Variants in ARAF observed in about 807,000 individuals in gnomAD.
The protein encoded by ARAF is serine/threonine-protein kinase A-Raf.
ARAF carries 18 observed loss-of-function variants against 48.0 expected under a neutral mutation model. The ratio of observed to expected loss-of-function variants is 0.37; its 90% confidence interval spans 0.26 to 0.56. ARAF has a LOEUF of 0.56. Among genes scored for constraint, ARAF ranks in the 20% least tolerant of loss-of-function variants. The pLI is 0.77. For missense variants in ARAF, 389 were observed against 543.1 expected (o/e 0.72, Z 2.82); for synonymous variants, 207 against 220.1 (o/e 0.94, Z 0.53).
rs34644595 is a variant in ARAF at position 47,571,110 on chromosome X, A to AGTGTGT, written c.1686+125_1686+130dup. The AGTGTGT allele has an allele frequency of 4.0e-3, 3,290 of 814,809 alleles. 4 individuals carry two copies. The highest frequency in any genetic ancestry group is 0.022 in the Middle Eastern group (57 of 2,575). The allele number at this position is 814,809 out of a possible 1,213,427, so 67.1% of individuals were successfully genotyped here. On this transcript the variant is annotated intron_variant, in intron 15 of 15. Coordinates refer to ENST00000377045, the MANE Select transcript of ARAF (RefSeq NM_001654.5). ...TGTGAATATGAAAGCTCAGAGGTATAGTGTGTGTGTGTGTGTGTGTGTGTG... is the reference window on the plus strand; with the variant it reads ...TGTGAATATGAAAGCTCAGAGGTATAGTGTGTGTGTGTGTGTGTGTGTGTGTGTGTG...
In ARAF at chrX:47,568,789, A is replaced by G. The variant is rs778119620; in HGVS notation, c.1148A>G (p.Gln383Arg). The G allele has an allele frequency of 8.3e-7, 1 of 1,210,908 alleles. No individual in the cohort carries two copies. Among genetic ancestry groups the G allele is most frequent in the South Asian group, 1.8e-5 (1 of 56,866 alleles). Residue 383 changes from glutamine (Q) to arginine (R), a missense_variant, in exon 11 of 16, where the codon CAG becomes CGG. By Grantham distance (43) the Gln-to-Arg change is conservative. Around this residue, in one of 4 missense-constraint regions of ARAF, gnomAD observed 170 missense variants for 281.4 expected, o/e 0.60. Transcript: ENST00000377045. ...MTRPGFAIITQWCEGSSLYHH... is the reference protein window; with the variant it reads ...MTRPGFAIITRWCEGSSLYHH... ...CGGCCGGGATTTGCCATCATCACAC[A>G]GTGGTGTGAGGGCTCCAGCCTCTAC...
rs773875137 is a variant in ARAF, at chrX:47,566,629, C to T, written c.558-10C>T. On this transcript the variant is annotated splice_polypyrimidine_tract_variant and intron_variant, in intron 6 of 15. Coordinates refer to ENST00000377045, the MANE Select transcript of ARAF (RefSeq NM_001654.5). The stretch of plus-strand genomic sequence containing the variant: ...TCCTGGCAGTGATTTCACAGCCTTT[C>T]CCCTGGCAGCCCCCGCACCCAGCAC... 8.7e-7 allele frequency: 1 copy of T among 1,147,384 alleles called. No individual in the cohort carries two copies. Among genetic ancestry groups the T allele is most frequent in the Admixed American group, 2.7e-5 (1 of 37,062 alleles). The allele number at this position is 1,147,384 out of a possible 1,213,427, so 94.6% of individuals were successfully genotyped here.
At chrX:47,568,592 T>C in intron 10 of ARAF, 126 bp from the exon 11 acceptor site, 1 of 706,552 alleles carries the variant, frequency 1.4e-6, no homozygotes, top group Non-Finnish European at 2.1e-6. Flanking sequence ...TGGTCCTGAG[T>C]GCCCCAAAAG....
chrX:47,571,110 A>AGTGTGTGTGTGT, intron 15 of ARAF, 98 bp downstream of exon 15: 2 of 820,996 alleles, frequency 2.4e-6, no homozygotes, highest in Non-Finnish European at 3.3e-6. Flanking sequence ...TCAGAGGTAT[A>AGTGTGTGTGTGT]GTGTGTGTGT....
chrX:47,566,700 C>G lies in ARAF; in HGVS notation c.619C>G (p.Leu207Val). The G allele has an allele frequency of 8.3e-7, 1 of 1,204,004 alleles. No individual in the cohort carries two copies. Among genetic ancestry groups the G allele is most frequent in the East Asian group, 3.0e-5 (1 of 33,752 alleles). ...CTTCCCTGCCCCAGCCAATGCCCCC[C>G]TACAGCGCATCCGCTCCACGTCCAC... ...FPFPAPANAPLQRIRSTSTPN... is the reference protein window; with the variant it reads ...FPFPAPANAPVQRIRSTSTPN... The change falls in exon 7 of 16, where the codon CTA (leucine) becomes GTA (valine). Residue 207 changes from leucine to valine, a missense_variant. Leu to Val is a conservative substitution (Grantham distance 32). This residue lies in a region of ARAF where 154 missense variants were observed against 133.6 expected (regional missense o/e 1.15). Coordinates refer to ENST00000377045, the MANE Select transcript of ARAF (RefSeq NM_001654.5).
intron 10 of ARAF, 95 bp from the exon 11 acceptor site, chrX:47,568,623 C>A: frequency 1.1e-6 from 1 of 936,914 alleles, no homozygotes. Context: ...AATAAATGAC[C>A]GAGGAAGGTA....
Position 47,566,696 on chromosome X carries a change from C to G in ARAF, c.615C>G (p.Ala205=), listed in dbSNP as rs55846150. The change falls in exon 7 of 16, where the codon GCC becomes GCG. Residue 205 remains alanine (A), a synonymous_variant. Transcript: ENST00000377045. ...TCCCCTTCCCTGCCCCAGCCAATGC[C>G]CCCCTACAGCGCATCCGCTCCACGT... The part of the protein sequence containing the change: ...EHFPFPAPAN[A]PLQRIRSTST... 407 of 1,198,341 alleles carry G rather than the reference C, an allele frequency of 3.4e-4. No homozygotes were observed. The highest frequency in any genetic ancestry group is 4.6e-4 in the Middle Eastern group (2 of 4,313).
chrX:47,565,226 T>G, intron 5 of ARAF, 26 bp from the exon 6 acceptor site: 5 of 1,210,203 alleles, frequency 4.1e-6, no homozygotes, highest in Non-Finnish European at 5.6e-6. Context: ...CGTGTCCCCT[T>G]GCTTTATACC....
chrX:47,569,031 A>C lies in ARAF; in HGVS notation c.1298A>C (p.Asn433Thr). ...ATCATCCACCGAGATCTCAAGTCTA[A>C]CAGTATCTATCTGTCCCTGGGCTGG... ...KNIIHRDLKS[N>T]NIFLHEGLTV... The change falls in exon 12 of 16, where the codon AAC (asparagine) becomes ACC (threonine). Residue 433 changes from asparagine to threonine, a missense_variant and splice_region_variant. By Grantham distance (65) the Asn-to-Thr change is moderately conservative. Transcript: ENST00000377045. The C allele has an allele frequency of 8.3e-7, 1 of 1,199,086 alleles. No homozygotes were observed. The highest frequency in any genetic ancestry group is 1.1e-6 in the Non-Finnish European group (1 of 889,256).
rs185381177 is a variant in ARAF at position 47,567,706 on chromosome X, G to T, written c.1076+274G>T. On this transcript the variant is annotated intron_variant, in intron 10 of 15. Transcript: ENST00000377045. ...CTTCTCATTTGCCTGCTGCGAACTG[G>T]GTCTGTGTGTGGGCCACCATTCTTG... Among the ~76,000 whole-genome samples, 12 of 111,120 alleles carry T rather than the reference G, an allele frequency of 1.1e-4. No individual in the cohort carries two copies. The East Asian group carries it at 2.3e-3, about 21-fold the overall frequency.
At chrX:47,562,219 C>T (rs1016540507) in intron 1 of ARAF, among the ~76,000 whole-genome samples, 1 of 110,525 alleles carries the variant, frequency 9.0e-6, no homozygotes, top group Non-Finnish European at 1.9e-5. Context: ...CCCCCGTTCT[C>T]TGTTAAAAAA....
rs766317364 is a variant in ARAF, at chrX:47,569,922, G to A, written c.1449G>A (p.Pro483=). The A allele has an allele frequency of 5.8e-6, 7 of 1,204,477 alleles. No individual in the cohort carries two copies. The African/African-American group carries it at 7.1e-5, about 12-fold the overall frequency. Residue 483 remains proline (P), a synonymous_variant, in exon 14 of 16, where the codon CCG becomes CCA. Coordinates refer to ENST00000377045, the MANE Select transcript of ARAF (RefSeq NM_001654.5). ...MAAEVIRMQD[P]NPYSFQSDVY... is the part of the protein sequence containing the mutation. ...CTGAGGTGATCCGTATGCAGGACCC[G>A]AACCCCTACAGCTTCCAGTCAGACG...
Position 47,562,890 on chromosome X carries a change from C to A in ARAF, c.-59-19C>A, listed in dbSNP as rs1339275387. The A allele has an allele frequency of 8.8e-6, 7 of 792,602 alleles. No individual in the cohort carries two copies. The African/African-American group carries it at 1.3e-4, about 14-fold the overall frequency. 65.3% of individuals were successfully genotyped at this position (792,602 alleles called of 1,213,427 possible). A position where few individuals can be genotyped will look rare whatever the true frequency, so the allele number is the denominator to read the frequency against. On this transcript the variant is annotated intron_variant, in intron 1 of 15. Transcript: ENST00000377045. Reference sequence around the variant, plus strand: ...ACTATCATTATTGGACCTCTGAATTCTTGTCTGCCTTCTTGTAGGAGCCCC... The same window carrying A: ...ACTATCATTATTGGACCTCTGAATTATTGTCTGCCTTCTTGTAGGAGCCCC...
In ARAF at chrX:47,571,209, T is replaced by TTGGGTGGG. The variant is rs201668130; in HGVS notation, c.1687-108_1687-107insGGTGGGTG. ...GTGTTTCGCCATGAGGCTGGGACTG[T>TTGGGTGGG]TGGGTGTGTGTGTGTGTGTGTGTGT... On this transcript the variant is annotated intron_variant, in intron 15 of 15. Coordinates refer to ENST00000377045, the MANE Select transcript of ARAF (RefSeq NM_001654.5). 354 of 792,605 alleles carry TTGGGTGGG rather than the reference T, an allele frequency of 4.5e-4. 2 individuals carry two copies. The highest frequency in any genetic ancestry group is 5.3e-4 in the Non-Finnish European group (309 of 584,789). The allele number at this position is 792,605 out of a possible 1,213,427, so 65.3% of individuals were successfully genotyped here. A position where few individuals can be genotyped will look rare whatever the true frequency, so the allele number is the denominator to read the frequency against.
At position 47,565,313 on chromosome X, in the gene ARAF, C is replaced by T. The variant is rs761931410; in HGVS notation, c.520C>T (p.Arg174Cys). 5.0e-6 allele frequency: 6 copies of T among 1,209,922 alleles called. No homozygotes were observed. The highest frequency in any genetic ancestry group is 5.9e-5 in the East Asian group (2 of 33,764). Residue 174 changes from arginine (R) to cysteine (C), a missense_variant, in exon 6 of 16, where the codon CGC (arginine) becomes TGC (cysteine). By Grantham distance (180) the Arg-to-Cys change is radical (BLOSUM62 -3). Coordinates refer to ENST00000377045, the MANE Select transcript of ARAF (RefSeq NM_001654.5). Reference sequence around the variant, plus strand: ...CAGACAGCATGAGGCTCCCTCGAACCGCCCCCTGAATGAGTTGCTAACCCC... The same window carrying T: ...CAGACAGCATGAGGCTCCCTCGAACTGCCCCCTGAATGAGTTGCTAACCCC... The part of the protein sequence containing the change: ...GSRQHEAPSN[R>C]PLNELLTPQG...
rs571234670 is a variant in ARAF at position 47,564,013 on chromosome X, C to T, written c.200+684C>T. On this transcript the variant is annotated intron_variant, in intron 3 of 15. Coordinates refer to ENST00000377045, the MANE Select transcript of ARAF (RefSeq NM_001654.5). ...GGTGGGATGGTGCAGGATTTCATCA[C>T]GCTACTCAGAATGCACGTAATTTAA... Among the ~76,000 whole-genome samples, 8 of 112,105 alleles carry T rather than the reference C, an allele frequency of 7.1e-5. No individual in the cohort carries two copies. The South Asian group carries it at 3.0e-3, about 41-fold the overall frequency.
Position 47,567,004 on chromosome X carries a change from G to A in ARAF, c.746G>A (p.Gly249Asp). Residue 249 changes from glycine (G) to aspartate (D), a missense_variant, in exon 9 of 16, where the codon GGT becomes GAT. This residue lies in a region of ARAF where 154 missense variants were observed against 133.6 expected (regional missense o/e 1.15). Coordinates refer to ENST00000377045, the MANE Select transcript of ARAF (RefSeq NM_001654.5). ...FSTDAAGSRGGSDGTPRGSPS... is the reference protein window; with the variant it reads ...FSTDAAGSRGDSDGTPRGSPS... ...ACTGCAGCTGCCGGTAGTAGAGGAG[G>A]TAGTGATGGAACCCCCCGGGGGAGC... is the stretch of plus-strand genomic sequence containing the variant. The A allele has an allele frequency of 1.7e-6, 2 of 1,211,764 alleles. No homozygotes were observed. The highest frequency in any genetic ancestry group is 1.1e-6 in the Non-Finnish European group (1 of 895,464).
intron 1 of ARAF, 45 bp from the exon 2 acceptor site, chrX:47,562,864 G>A: frequency 1.6e-6 from 1 of 643,201 alleles, no homozygotes; most frequent in Non-Finnish European, 2.3e-6. Context: ...TTTGCTTCTA[G>A]ACTATCATTA....
intron 1 of ARAF, among the ~76,000 whole-genome samples, chrX:47,561,977 C>G (rs1027159471): frequency 3.0e-5 from 3 of 99,010 alleles, no homozygotes; most frequent in Admixed American, 2.2e-4. Flanking sequence ...TGACCCCCCC[C>G]CCCCATGAAT....
Sources: allele counts gnomAD v4.1 joint callset (sites outside exome capture counted in the v4.1 genomes callset), GRCh38; gene constraint gnomAD v4.1.1; regional missense constraint gnomAD v4.1.1; transcripts MANE v1.5; gene names NCBI Gene and HGNC (gene_info 2026-07-23, HGNC 2026-07-21).